The following SLC2A5 variants were observed in gnomAD, a reference collection of about 807,000 sequenced individuals.
SLC2A5 encodes solute carrier family 2, facilitated glucose transporter member 5.
Under a neutral mutation model 50.3 loss-of-function variants are expected in SLC2A5, and 56 were observed. That is an observed-to-expected ratio of 1.11 (90% confidence interval 0.90 to 1.39). The LOEUF is 1.39. SLC2A5 is among the 40% of genes most tolerant of loss of function. The probability of loss-of-function intolerance (pLI) is 0.00; values close to 1 mark genes in which losing one functional copy is unlikely to be tolerated. For synonymous variants in SLC2A5, 269 were observed against 281.9 expected, an observed-to-expected ratio of 0.95 and a Z score of 0.46; for missense variants, 566 against 650.1, an observed-to-expected ratio of 0.87 and a Z score of 1.41.
In SLC2A5 at chr1:9,037,298, C is replaced by T; in HGVS notation, c.*288G>A. The stretch of plus-strand genomic sequence containing the variant: ...CAAAGGTTGACCCATCAAGGTGGAG[C>T]CACGTTACCAGGAGCCACACGAAGG... On this transcript the variant is annotated 3_prime_UTR_variant, in exon 12 of 12. Coordinates refer to ENST00000377424, the MANE Select transcript of SLC2A5 (RefSeq NM_003039.3). 2.5e-6 allele frequency: 1 copy of T among 395,356 alleles called. No homozygotes were observed. Among genetic ancestry groups the T allele is most frequent in the Non-Finnish European group, 4.7e-6 (1 of 212,182 alleles). 24.5% of individuals were successfully genotyped at this position (395,356 alleles called of 1,614,324 possible).
At position 9,040,134 on chromosome 1, in the gene SLC2A5, C is replaced by T. The variant is rs779456530; in HGVS notation, c.627G>A (p.Leu209=). ...TGVPAALQLL[L]LPFFPESPRY... is the part of the protein sequence containing the mutation. ...TGGGGCTCTCGGGGAAGAAGGGCAGCAGAAGGAGCTGCAGCGCCGCGGGGA... is the reference window on the plus strand; with the variant it reads ...TGGGGCTCTCGGGGAAGAAGGGCAGTAGAAGGAGCTGCAGCGCCGCGGGGA... Residue 209 remains leucine, a synonymous_variant, in exon 6 of 12, where the codon CTG becomes CTA. Transcript: ENST00000377424. This position sits in a 1 kb window ranked among gnomAD's most constrained non-coding sequence, Gnocchi z 4.3. The T allele has an allele frequency of 6.9e-6, 11 of 1,592,172 alleles. No individual in the cohort carries two copies. Among genetic ancestry groups the T allele is most frequent in the African/African-American group, 2.7e-5 (2 of 74,416 alleles).
At chr1:9,092,104 A>T (rs1470686079), upstream of SLC2A5, among the ~76,000 whole-genome samples, 1 of 152,222 alleles carries the variant, frequency 6.6e-6, no homozygotes, top group Admixed American at 6.5e-5. Context: ...GGTTGCAGTT[A>T]TCCATTGCAA....
chr1:9,049,446 G>A (rs1040028067), intron 3 of SLC2A5, among the ~76,000 whole-genome samples: 4 of 152,104 alleles, frequency 2.6e-5, no homozygotes, highest in South Asian at 2.1e-4. Flanking sequence ...CAAACAGGCC[G>A]GGCATGGTGG....
At chr1:9,050,344 G>T (rs1412931159) in intron 3 of SLC2A5, among the ~76,000 whole-genome samples, 1 of 151,910 alleles carries the variant, frequency 6.6e-6, no homozygotes, top group Non-Finnish European at 1.5e-5. Context: ...TGTAGTCCCA[G>T]CTACTGGAGA....
chr1:9,044,926 G>T (rs1425585240), intron 4 of SLC2A5, among the ~76,000 whole-genome samples: 1 of 152,174 alleles, frequency 6.6e-6, no homozygotes, highest in Non-Finnish European at 1.5e-5. Flanking sequence ...CTTGCTGGAG[G>T]TATGTGAAAA....
chr1:9,092,202 C>T (rs1197314540), upstream of SLC2A5, among the ~76,000 whole-genome samples: 1 of 152,096 alleles, frequency 6.6e-6, no homozygotes, highest in East Asian at 1.9e-4. Context: ...CACCCAATTC[C>T]CCAATATCTA....
chr1:9,057,292 T>TAAAAAAA (rs760221358), intron 3 of SLC2A5, among the ~76,000 whole-genome samples, 156 bp downstream of exon 3: 3 of 103,432 alleles, frequency 2.9e-5, no homozygotes, highest in South Asian at 2.6e-4. Context: ...TCTCAAAAAT[T>TAAAAAAA]AAAAAAAAAA....
rs1641126581 is a variant in SLC2A5 at position 9,035,966 on chromosome 1, A to G, written c.*1620T>C. The G allele has an allele frequency of 6.6e-6, 1 of 152,218 alleles. No individual in the cohort carries two copies. Among genetic ancestry groups the G allele is most frequent in the African/African-American group, 2.4e-5 (1 of 41,462 alleles). The allele number at this position is 152,218 out of a possible 1,614,324, so 9.4% of individuals were successfully genotyped here. On this transcript the variant is annotated 3_prime_UTR_variant, in exon 12 of 12. Coordinates refer to ENST00000377424, the MANE Select transcript of SLC2A5 (RefSeq NM_003039.3). ...GAACAGTATGGGGGAAATTGCCCCC[A>G]TGATTCAATTATCTCCCACAGGGTC...
chr1:9,059,829 C>T (rs200543058), intron 1 of SLC2A5, among the ~76,000 whole-genome samples: 18 of 151,930 alleles, frequency 1.2e-4, no homozygotes, highest in Admixed American at 3.3e-4. Context: ...CCACTGTGCC[C>T]GGCCTAAAGA....
At chr1:9,062,610 A>G (rs2505973) in intron 1 of SLC2A5, among the ~76,000 whole-genome samples, 103,061 of 152,078 alleles carry the variant, frequency 0.68, 35,334 homozygotes, top group East Asian at 0.92. Flanking sequence ...AGTGGCTCAC[A>G]CCTGTAATCC....
Position 9,037,541 on chromosome 1 carries a change from TG to T in SLC2A5, c.*44del. 1 of 1,542,800 alleles carries T rather than the reference TG, an allele frequency of 6.5e-7. No individual in the cohort carries two copies. Among genetic ancestry groups the T allele is most frequent in the African/African-American group, 1.4e-5 (1 of 73,380 alleles). ...TAGAAGTCAGAAAAATAAGCCAAAGTGGGAAGCCCCTGGCAGACCAGCTCCA... is the reference window on the plus strand; with the variant it reads ...TAGAAGTCAGAAAAATAAGCCAAAGTGGAAGCCCCTGGCAGACCAGCTCCA... On this transcript the variant is annotated 3_prime_UTR_variant, in exon 12 of 12. Transcript: ENST00000377424.
Position 9,040,336 on chromosome 1 carries a change from C to T in SLC2A5, c.572-147G>A, listed in dbSNP as rs1641267694. 4 of 940,754 alleles carry T rather than the reference C, an allele frequency of 4.3e-6. No individual in the cohort carries two copies. The highest frequency in any genetic ancestry group is 1.7e-5 in the South Asian group (1 of 57,760). The allele number at this position is 940,754 out of a possible 1,614,324, so 58.3% of individuals were successfully genotyped here. A position where few individuals can be genotyped will look rare whatever the true frequency, so the allele number is the denominator to read the frequency against. On this transcript the variant is annotated intron_variant, in intron 5 of 11. Coordinates refer to ENST00000377424, the MANE Select transcript of SLC2A5 (RefSeq NM_003039.3). The surrounding 1 kb of genome is among the most constrained non-coding windows in gnomAD (Gnocchi z 4.3). Reference sequence around the variant, plus strand: ...TCCCAGCCCTAAGAACAGCAACTCCCGACGGTGGACACTCGGGAAACACCT... The same window carrying T: ...TCCCAGCCCTAAGAACAGCAACTCCTGACGGTGGACACTCGGGAAACACCT...
chr1:9,085,856 G>A (rs1462528286), intron 1 of SLC2A5, among the ~76,000 whole-genome samples: 1 of 152,164 alleles, frequency 6.6e-6, no homozygotes, highest in African/African-American at 2.4e-5. Context: ...CTGATGCAAC[G>A]GGCCCAGGCA....
In SLC2A5 at chr1:9,040,183, G is replaced by A. The variant is rs1400559353; in HGVS notation, c.578C>T (p.Pro193Leu). 1 of 1,549,344 alleles carries A rather than the reference G, an allele frequency of 6.5e-7. No homozygotes were observed. The highest frequency in any genetic ancestry group is 2.4e-5 in the East Asian group (1 of 41,018). ...GACCCCGGTCAGCCCCAGCAGGATC[G>A]GCCAGCCTGGGAGGAAGGCAGCGAG... The part of the protein sequence containing the change: ...RNLLANVDGW[P>L]ILLGLTGVPA... The change falls in exon 6 of 12, where the codon CCG becomes CTG. Residue 193 changes from proline (P) to leucine (L), a missense_variant. By Grantham distance (98) the Pro-to-Leu change is moderately conservative. Transcript: ENST00000377424. The surrounding 1 kb of genome is among the most constrained non-coding windows in gnomAD (Gnocchi z 4.3).
rs1430722910 is a variant in SLC2A5, at chr1:9,038,443, C to T, written c.1162G>A (p.Ala388Thr). The change falls in exon 10 of 12, where the codon GCC becomes ACC. Residue 388 changes from alanine to threonine, a missense_variant. Ala to Thr is a moderately conservative substitution (Grantham distance 58). Coordinates refer to ENST00000377424, the MANE Select transcript of SLC2A5 (RefSeq NM_003039.3). ...TTTGGGTACGTACTGGGCCCGAGGGCATGTCCTATGACGTAGGAGATGACA... is the reference window on the plus strand; with the variant it reads ...TTTGGGTACGTACTGGGCCCGAGGGTATGTCCTATGACGTAGGAGATGACA... The part of the protein sequence containing the change: ...VCVISYVIGH[A>T]LGPSPIPALL... The T allele has an allele frequency of 6.2e-7, 1 of 1,613,186 alleles. No individual in the cohort carries two copies. Among genetic ancestry groups the T allele is most frequent in the Non-Finnish European group, 8.5e-7 (1 of 1,179,362 alleles).
chr1:9,045,844 T>C (rs920172678), intron 4 of SLC2A5, among the ~76,000 whole-genome samples: 5 of 124,270 alleles, frequency 4.0e-5, no homozygotes, highest in African/African-American at 1.6e-4. Flanking sequence ...CACTCCAGCC[T>C]GGGTGACAAG....
At chr1:9,073,907 C>T (rs559011703), upstream of SLC2A5, among the ~76,000 whole-genome samples, 6 of 152,242 alleles carry the variant, frequency 3.9e-5, no homozygotes, top group South Asian at 2.1e-4. Flanking sequence ...TGGTGAAACC[C>T]GGTCTCTATT....
At chr1:9,076,524 T>C (rs1048112195) in intron 2 of SLC2A5, among the ~76,000 whole-genome samples, 1 of 152,224 alleles carries the variant, frequency 6.6e-6, no homozygotes, top group Non-Finnish European at 1.5e-5. Context: ...GTATATCACA[T>C]GATAGCAGAA....
intron 1 of SLC2A5, among the ~76,000 whole-genome samples, chr1:9,069,083 T>C (rs2124455347): frequency 6.6e-6 from 1 of 152,350 alleles, no homozygotes; most frequent in East Asian, 1.9e-4. Context: ...TTTCTGAGTT[T>C]ATCTTGCTTT....
Sources: allele counts gnomAD v4.1 joint callset (sites outside exome capture counted in the v4.1 genomes callset), GRCh38; gene constraint gnomAD v4.1.1; non-coding constraint Gnocchi (gnomAD v3.1); transcripts MANE v1.5; gene names NCBI Gene and HGNC (gene_info 2026-07-23, HGNC 2026-07-21).